Variants in AIF1L observed in about 807,000 individuals in gnomAD.
The protein encoded by AIF1L is allograft inflammatory factor 1 like.
In AIF1L, 12 loss-of-function variants were observed where a neutral mutation model predicts 20.7. That is an observed-to-expected ratio of 0.58 (90% CI 0.37 to 0.94). AIF1L has a LOEUF of 0.94. Among genes scored for constraint, AIF1L ranks in the 40% least tolerant of loss-of-function variants. The pLI is 0.01. For synonymous variants in AIF1L, 76 were observed against 65.1 expected (o/e 1.17, Z -0.81); for missense variants, 173 against 185.3 (o/e 0.93, Z 0.39).
At chr9:131,110,201 G>A (rs1017702865) in intron 2 of AIF1L, among the ~76,000 whole-genome samples, 1 of 152,120 alleles carries the variant, frequency 6.6e-6, no homozygotes, top group Non-Finnish European at 1.5e-5. Flanking sequence ...GACAGAGCAA[G>A]ACCCTGTTTC....
chr9:131,103,759 G>A (rs1830686269), intron 2 of AIF1L, among the ~76,000 whole-genome samples: 1 of 152,162 alleles, frequency 6.6e-6, no homozygotes, highest in African/African-American at 2.4e-5. Context: ...AGAGACTGAG[G>A]CCTAGAGTGG....
intron 3 of AIF1L, 37 bp downstream of exon 3, chr9:131,111,700 G>T: frequency 6.2e-7 from 1 of 1,602,046 alleles, no homozygotes; most frequent in South Asian, 1.1e-5. Context: ...TTATTCCTGG[G>T]GGAGGTGGGC....
chr9:131,096,733 C>T lies in AIF1L; in HGVS notation c.32-69C>T, dbSNP rs1306308602. The T allele has an allele frequency of 3.4e-6, 5 of 1,454,204 alleles. No individual in the cohort carries two copies. The Admixed American group carries it at 9.2e-5, about 27-fold the overall frequency. The allele number at this position is 1,454,204 out of a possible 1,614,324, so 90.1% of individuals were successfully genotyped here. ...CGCGGGGTCCACCGCGCGCGGGAAG[C>T]GGGCGGGGACGGGGGCGCGTGGCCC... On this transcript the variant is annotated intron_variant, in intron 1 of 5. Coordinates refer to ENST00000247291, the MANE Select transcript of AIF1L (RefSeq NM_031426.4).
At chr9:131,111,331 T>G (rs1830877898) in intron 2 of AIF1L, 2 of 416,984 alleles carry the variant, frequency 4.8e-6, no homozygotes, top group East Asian at 4.0e-5. Flanking sequence ...CCAGCATTGG[T>G]AATGTAGCTG....
intron 3 of AIF1L, among the ~76,000 whole-genome samples, chr9:131,112,613 G>A (rs1044027706): frequency 6.6e-5 from 10 of 152,162 alleles, no homozygotes; most frequent in Non-Finnish European, 1.0e-4. Context: ...CTTGGAGGGC[G>A]GGGTTGTTGG....
chr9:131,112,023 T>A (rs535920530), intron 3 of AIF1L: 1 of 251,232 alleles, frequency 4.0e-6, no homozygotes, highest in South Asian at 6.0e-5. Context: ...AAGCCTTGCC[T>A]CTCCCCCTCC....
intron 3 of AIF1L, chr9:131,112,520 C>G (rs968013439): frequency 6.6e-6 from 1 of 152,216 alleles, no homozygotes; most frequent in South Asian, 2.1e-4. Context: ...ACTTCTCGTG[C>G]GGCGTGGCGA....
chr9:131,107,264 G>A (rs1401196327), intron 2 of AIF1L, among the ~76,000 whole-genome samples: 1 of 152,170 alleles, frequency 6.6e-6, no homozygotes, highest in Non-Finnish European at 1.5e-5. Context: ...TGCTGTGCAC[G>A]TGGCCTTGCT....
intron 2 of AIF1L, among the ~76,000 whole-genome samples, chr9:131,104,940 A>G (rs1396729959): frequency 6.6e-6 from 1 of 151,458 alleles, no homozygotes; most frequent in African/African-American, 2.4e-5. Flanking sequence ...GTGGATTCAA[A>G]CTCAGGCATT....
At chr9:131,101,732 A>C (rs938624907) in intron 2 of AIF1L, among the ~76,000 whole-genome samples, 1 of 152,032 alleles carries the variant, frequency 6.6e-6, no homozygotes, top group South Asian at 2.1e-4. Context: ...CAGATCTGGG[A>C]TTCAAACCCA....
At chr9:131,096,993 G>A in intron 2 of AIF1L, 130 bp downstream of exon 2, 6 of 1,067,012 alleles carry the variant, frequency 5.6e-6, no homozygotes, top group Non-Finnish European at 7.5e-6. Flanking sequence ...GCTTCCCTCA[G>A]GTGCCTCCCT....
intron 2 of AIF1L, 55 bp from the exon 3 acceptor site, chr9:131,111,542 G>C (rs892328317): frequency 6.5e-7 from 1 of 1,537,124 alleles, no homozygotes; most frequent in African/African-American, 1.4e-5. Context: ...GGGCCCATGT[G>C]TGGGTGACTT....
rs7860214 is a variant in AIF1L, at chr9:131,097,672, G to C, written c.93+809G>C. 4.5e-3 allele frequency among the ~76,000 whole-genome samples: 682 copies of C among 152,336 alleles called. 8 individuals carry two copies. The highest frequency in any genetic ancestry group is 0.016 in the African/African-American group (657 of 41,578). On this transcript the variant is annotated intron_variant, in intron 2 of 5. Coordinates refer to ENST00000247291, the MANE Select transcript of AIF1L (RefSeq NM_031426.4). ...AAGGAAAGATATCAGGACCTGTCTG[G>C]GTTGGCCAAAGCTCAAAGGCAGCAC...
rs11244293 is a variant in AIF1L at position 131,118,057 on chromosome 9, C to T, written c.365+139C>T. On this transcript the variant is annotated intron_variant, in intron 5 of 5. Coordinates refer to ENST00000247291, the MANE Select transcript of AIF1L (RefSeq NM_031426.4). ...GACCTGCTGGACAAGGTACTTACTT[C>T]TCCTGATCCTGATTTCCTTATCTGT... is the stretch of plus-strand genomic sequence containing the variant. The T allele has an allele frequency of 0.029, 24,938 of 847,292 alleles. 2,879 individuals are homozygous for T. The African/African-American group carries it at 0.31, about 10-fold the overall frequency. 52.5% of individuals were successfully genotyped at this position (847,292 alleles called of 1,614,324 possible).
chr9:131,108,985 T>A lies in AIF1L; in HGVS notation c.94-2612T>A, dbSNP rs529012334. Among the ~76,000 whole-genome samples the A allele has an allele frequency of 2.6e-5, 4 of 152,276 alleles. No homozygotes were observed. The East Asian group carries it at 7.7e-4, about 29-fold the overall frequency. On this transcript the variant is annotated intron_variant, in intron 2 of 5. Transcript: ENST00000247291. ...GACTAGGAAGGTAGTGAGTTCTCTGTCCTAAGAGATATGTAAGAACAGACT... is the reference window on the plus strand; with the variant it reads ...GACTAGGAAGGTAGTGAGTTCTCTGACCTAAGAGATATGTAAGAACAGACT...
rs751794642 is a variant in AIF1L at position 131,121,068 on chromosome 9, G to A, written c.*746G>A. 5 of 694,194 alleles carry A rather than the reference G, an allele frequency of 7.2e-6. No homozygotes were observed. The highest frequency in any genetic ancestry group is 6.1e-5 in the African/African-American group (3 of 49,376). The allele number at this position is 694,194 out of a possible 1,614,324, so 43.0% of individuals were successfully genotyped here. A position where few individuals can be genotyped will look rare whatever the true frequency, so the allele number is the denominator to read the frequency against. ...CTTCGGAGGCAGAAGTGAGGCCTGG[G>A]GTTTTGGGGGAAAGGTCAGCTCAGT... On this transcript the variant is annotated 3_prime_UTR_variant, in exon 6 of 6. Coordinates refer to ENST00000247291, the MANE Select transcript of AIF1L (RefSeq NM_031426.4).
At chr9:131,112,096 G>C (rs1053028725) in intron 3 of AIF1L, 4 of 166,462 alleles carry the variant, frequency 2.4e-5, no homozygotes, top group Non-Finnish European at 5.2e-5. Context: ...AGTGGGGCAG[G>C]GGGGCAGAGT....
At chr9:131,117,164 G>A (rs968388635) in intron 4 of AIF1L, among the ~76,000 whole-genome samples, 6 of 152,152 alleles carry the variant, frequency 3.9e-5, no homozygotes, top group African/African-American at 1.4e-4. Context: ...CCTGCTCTGT[G>A]GGATATTTTT....
intron 2 of AIF1L, chr9:131,102,958 A>G (rs751519675): frequency 1.6e-4 from 71 of 456,264 alleles, no homozygotes; most frequent in Non-Finnish European, 2.8e-4. Context: ...CTGGAGGGCC[A>G]GGAGCAAGGG....
Sources: gnomAD v4.1 joint callset for allele counts (sites outside exome capture counted in the v4.1 genomes callset) on GRCh38, gnomAD v4.1.1 for gene constraint, MANE v1.5 for transcripts, NCBI Gene and HGNC (gene_info 2026-07-23, HGNC 2026-07-21) for gene names.